Variants in DLG2 observed in about 807,000 individuals in gnomAD.
DLG2 encodes discs large MAGUK scaffold protein 2.
A neutral mutation model predicts 132.5 loss-of-function variants in DLG2; 45 were observed. The ratio of observed to expected loss-of-function variants is 0.34; its 90% CI spans 0.27 to 0.44. The LOEUF (loss-of-function observed/expected upper bound fraction) is 0.44, where lower values mean the gene tolerates loss of function less well. Ranked by LOEUF, DLG2 falls within the 20% of genes least tolerant of loss-of-function variation. The pLI is 1.00. For synonymous variants in DLG2, 424 were observed against 419.6 expected (o/e 1.01, Z -0.13); for missense variants, 1,045 against 1,196.9 (o/e 0.87, Z 1.87).
chr11:83,491,577 A>T (rs1402696301), intron 21 of DLG2, among the ~76,000 whole-genome samples: 4 of 152,062 alleles, frequency 2.6e-5, no homozygotes, highest in Non-Finnish European at 2.9e-5. Context: ...CAATTCCAGT[A>T]AAAAGCTCAG....
Position 85,395,819 on chromosome 11 carries a change from C to T in DLG2, c.41-110454G>A, listed in dbSNP as rs866817684. The stretch of plus-strand genomic sequence containing the variant: ...GCAAGGCCTACTGCCTCTATCGATT[C>T]CACTTCTAAGGGCAGGGCATATCTG... On this transcript the variant is annotated intron_variant, in intron 3 of 27. Coordinates refer to ENST00000376104, the MANE Select transcript of DLG2 (RefSeq NM_001142699.3). Among the ~76,000 whole-genome samples, 7 of 152,354 alleles carry T rather than the reference C, an allele frequency of 4.6e-5. No homozygotes were observed. In the South Asian group the frequency reaches 1.5e-3, roughly 32 times the overall value.
At chr11:84,292,246 T>C (rs183225753) in intron 7 of DLG2, among the ~76,000 whole-genome samples, 2 of 152,260 alleles carry the variant, frequency 1.3e-5, no homozygotes, top group Admixed American at 6.5e-5. Context: ...TAACGACATA[T>C]GTGGTAAGTT....
At chr11:84,397,568 T>C (rs1351828016) in intron 7 of DLG2, among the ~76,000 whole-genome samples, 1 of 152,192 alleles carries the variant, frequency 6.6e-6, no homozygotes, top group Non-Finnish European at 1.5e-5. Flanking sequence ...TTTGGCAATC[T>C]TAGAAGTCAA....
chr11:85,409,376 C>T (rs1278904727), intron 3 of DLG2, among the ~76,000 whole-genome samples: 3 of 151,814 alleles, frequency 2.0e-5, no homozygotes, highest in East Asian at 1.9e-4. Context: ...GGCAAGGTGA[C>T]CTTGAGCAGT....
chr11:84,481,764 T>G lies in DLG2; in HGVS notation c.519+52806A>C, dbSNP rs2099138403. Among the ~76,000 whole-genome samples the G allele has an allele frequency of 1.3e-5, 2 of 152,188 alleles. 1 individual carries two copies. Among genetic ancestry groups the G allele is most frequent in the South Asian group, 4.1e-4 (2 of 4,832 alleles). On this transcript the variant is annotated intron_variant, in intron 7 of 27. Transcript: ENST00000376104. ...CTGCATTCTATCAAAATTGCTTATG[T>G]TTCTCTTTCCCCCATGAAACTGCAA...
At chr11:84,684,800 T>C (rs1452320760) in intron 6 of DLG2, among the ~76,000 whole-genome samples, 1 of 152,210 alleles carries the variant, frequency 6.6e-6, no homozygotes, top group Non-Finnish European at 1.5e-5. Context: ...TAATGTGAAT[T>C]ATTACTGCAA....
intron 6 of DLG2, among the ~76,000 whole-genome samples, chr11:84,594,287 T>C (rs1216629198): frequency 1.3e-5 from 2 of 152,202 alleles, no homozygotes; most frequent in African/African-American, 4.8e-5. Flanking sequence ...TCTCCATTGA[T>C]GACCTCACAG....
rs1415646966 is a variant in DLG2 at position 83,960,719 on chromosome 11, T to C, written c.1340+2166A>G. Among the ~76,000 whole-genome samples the C allele has an allele frequency of 2.0e-5, 3 of 151,908 alleles. 1 individual carries two copies. The highest frequency in any genetic ancestry group is 4.2e-4 in the South Asian group (2 of 4,814). ...CATCTCTAGTGCAGCACCAGGTGTC[T>C]TATAGGAAGTATTCAATTAATATTT... On this transcript the variant is annotated intron_variant, in intron 14 of 27. Transcript: ENST00000376104.
At chr11:84,231,621 T>C (rs1252514813) in intron 8 of DLG2, among the ~76,000 whole-genome samples, 2 of 152,110 alleles carry the variant, frequency 1.3e-5, no homozygotes, top group Non-Finnish European at 2.9e-5. Context: ...TAGGGAATAT[T>C]GTGTGAAAGG....
rs191517855 is a variant in DLG2, at chr11:85,159,055, C to T, written c.187-4404G>A. 1.2e-3 allele frequency among the ~76,000 whole-genome samples: 179 copies of T among 152,238 alleles called. 2 individuals carry two copies. Among genetic ancestry groups the T allele is most frequent in the African/African-American group, 4.2e-3 (174 of 41,544 alleles). On this transcript the variant is annotated intron_variant, in intron 4 of 27. Transcript: ENST00000376104. The stretch of plus-strand genomic sequence containing the variant: ...ATTTATACTGTTAATTTTTCTCTCT[C>T]CTTCCCCAAGGAGACCTCCAGTCTT...
chr11:84,913,549 A>C (rs1029946441), intron 6 of DLG2, among the ~76,000 whole-genome samples: 1 of 152,178 alleles, frequency 6.6e-6, no homozygotes, highest in African/African-American at 2.4e-5. Flanking sequence ...CTTTAAAAAG[A>C]AGCCTATGAA....
intron 6 of DLG2, among the ~76,000 whole-genome samples, chr11:84,655,734 G>GT (rs1257389254): frequency 7.6e-6 from 1 of 131,832 alleles, no homozygotes. Context: ...GTTTTTTTTT[G>GT]TTTGTTTTTT....
intron 2 of DLG2, among the ~76,000 whole-genome samples, chr11:85,616,029 A>G (rs1290818092): frequency 2.0e-5 from 3 of 152,130 alleles, no homozygotes; most frequent in Non-Finnish European, 4.4e-5. Context: ...CCTAAGAGGT[A>G]TTAGTACTAT....
At chr11:84,225,126 C>G (rs1187692057) in intron 8 of DLG2, among the ~76,000 whole-genome samples, 2 of 152,346 alleles carry the variant, frequency 1.3e-5, no homozygotes. Flanking sequence ...AAGCCATAGT[C>G]TCTATCTCAT....
chr11:84,132,439 T>G (rs1031566180), intron 9 of DLG2, among the ~76,000 whole-genome samples: 1 of 151,926 alleles, frequency 6.6e-6, no homozygotes, highest in African/African-American at 2.4e-5. Flanking sequence ...TCTCCTCACC[T>G]TCTCAGTTGG....
At chr11:83,803,907 G>T (rs542317958) in intron 17 of DLG2, among the ~76,000 whole-genome samples, 2 of 152,160 alleles carry the variant, frequency 1.3e-5, no homozygotes, top group Admixed American at 1.3e-4. Flanking sequence ...CTCAAACTCT[G>T]GCTGCTGCAT....
intron 9 of DLG2, among the ~76,000 whole-genome samples, chr11:84,111,591 C>G (rs1339046486): frequency 6.6e-6 from 1 of 152,180 alleles, no homozygotes; most frequent in African/African-American, 2.4e-5. Context: ...AAGGAAGGGT[C>G]AGGTGAAGGG....
At chr11:84,093,907 G>A (rs751231681) in intron 10 of DLG2, among the ~76,000 whole-genome samples, 1 of 151,842 alleles carries the variant, frequency 6.6e-6, no homozygotes, top group Non-Finnish European at 1.5e-5. Context: ...GAGCCATCGC[G>A]CCTATTCGTG....
chr11:84,502,176 T>TTTCCCTC (rs1567802291), intron 7 of DLG2, among the ~76,000 whole-genome samples: 1 of 25,582 alleles, frequency 3.9e-5, no homozygotes, highest in Non-Finnish European at 8.8e-5. Flanking sequence ...CTCTCTCTCT[T>TTTCCCTC]TCTCTCTCTT....
Sources: gnomAD v4.1 joint callset for allele counts (sites outside exome capture counted in the v4.1 genomes callset) on GRCh38, gnomAD v4.1.1 for gene constraint, MANE v1.5 for transcripts, NCBI Gene and HGNC (gene_info 2026-07-23, HGNC 2026-07-21) for gene names.